DOCK4: variants seen among roughly 807,000 people sequenced by gnomAD.
DOCK4 encodes dedicator of cytokinesis 4.
DOCK4 carries 97 observed loss-of-function variants against 268.1 expected under a neutral mutation model. That is an observed-to-expected ratio of 0.36 (90% CI 0.31 to 0.43). DOCK4 has a LOEUF of 0.43. DOCK4 is among the 20% of genes least tolerant of loss of function. The probability of loss-of-function intolerance (pLI) is 1.00; values close to 1 mark genes in which losing one functional copy is unlikely to be tolerated. For missense variants in DOCK4, 2,145 were observed against 2,455.7 expected (o/e 0.87, Z 2.67); for synonymous variants, 954 against 887.2 (o/e 1.08, Z -1.34).
chr7:111,940,799 C>T (rs1300481535), intron 10 of DOCK4, among the ~76,000 whole-genome samples: 1 of 152,092 alleles, frequency 6.6e-6, no homozygotes, highest in Non-Finnish European at 1.5e-5. Flanking sequence ...TAAATTGTTA[C>T]ATGTTTAAAA....
At chr7:111,839,426 A>C (rs1298948712) in intron 25 of DOCK4, among the ~76,000 whole-genome samples, 1 of 152,210 alleles carries the variant, frequency 6.6e-6, no homozygotes, top group Admixed American at 6.5e-5. Context: ...CAATCCTGTG[A>C]ATAGTGAAAT....
intron 1 of DOCK4, among the ~76,000 whole-genome samples, chr7:112,026,292 C>A (rs1410502745): frequency 1.3e-5 from 2 of 152,188 alleles, no homozygotes; most frequent in Non-Finnish European, 2.9e-5. Context: ...GGAGCGTGAA[C>A]CCTACTATGA....
intron 1 of DOCK4, among the ~76,000 whole-genome samples, chr7:112,049,246 A>G (rs1037165562): frequency 3.3e-5 from 5 of 152,206 alleles, no homozygotes; most frequent in African/African-American, 1.2e-4. Context: ...ACAGTACCAC[A>G]AAGGCTTGAA....
chr7:111,906,816 C>A (rs147922527), intron 13 of DOCK4, among the ~76,000 whole-genome samples: 106 of 152,234 alleles, frequency 7.0e-4, no homozygotes, highest in African/African-American at 2.4e-3. Flanking sequence ...GCAGCTTCCA[C>A]AAGCTGGAAA....
At chr7:112,155,620 T>C (rs939412991) in intron 1 of DOCK4, among the ~76,000 whole-genome samples, 1 of 152,350 alleles carries the variant, frequency 6.6e-6, no homozygotes, top group South Asian at 2.1e-4. Context: ...CAGTGGGTTA[T>C]TCAAGTCCTC....
intron 10 of DOCK4, 23 bp from the exon 11 acceptor site, chr7:111,940,265 T>C: frequency 1.9e-6 from 3 of 1,613,972 alleles, no homozygotes; most frequent in Non-Finnish European, 2.5e-6. Flanking sequence ...AGAGCAATCA[T>C]TAACCCATGG....
intron 1 of DOCK4, among the ~76,000 whole-genome samples, chr7:112,054,405 T>A (rs1202688753): frequency 6.6e-6 from 1 of 152,152 alleles, no homozygotes; most frequent in African/African-American, 2.4e-5. Flanking sequence ...TGACCCCAAT[T>A]TCTAGGGAAA....
intron 12 of DOCK4, among the ~76,000 whole-genome samples, chr7:111,921,604 G>A (rs1482210052): frequency 8.5e-5 from 13 of 152,220 alleles, no homozygotes; most frequent in Admixed American, 7.2e-4. Context: ...TAAGTGTGCA[G>A]TTTAAGAATC....
rs535976247 is a variant in DOCK4, at chr7:112,050,540, T to C, written c.38-46409A>G. Among the ~76,000 whole-genome samples the C allele has an allele frequency of 6.6e-5, 10 of 152,168 alleles. 1 individual carries two copies. The East Asian group carries it at 1.7e-3, about 26-fold the overall frequency. On this transcript the variant is annotated intron_variant, in intron 1 of 52. Coordinates refer to ENST00000428084, the MANE Select transcript of DOCK4 (RefSeq NM_001363540.2). ...CCACATTGGTAAACAATCATTTAGA[T>C]AGAAAGATTAAAGGTAGTCATTGAT... is the stretch of plus-strand genomic sequence containing the variant.
chr7:112,066,073 C>T (rs921862013), intron 1 of DOCK4, among the ~76,000 whole-genome samples: 1 of 152,122 alleles, frequency 6.6e-6, no homozygotes, highest in South Asian at 2.1e-4. Context: ...ATCAACTTGA[C>T]TGGATTAAGG....
At chr7:111,746,266 AG>A (rs1352975736) in intron 44 of DOCK4, 67 bp downstream of exon 44, 2 of 1,288,238 alleles carry the variant, frequency 1.6e-6, no homozygotes, top group African/African-American at 1.5e-5. Context: ...AACCATGCAG[AG>A]GGGGCTCTAG....
At chr7:112,134,068 A>G (rs1221948873) in intron 1 of DOCK4, among the ~76,000 whole-genome samples, 9 of 152,214 alleles carry the variant, frequency 5.9e-5, no homozygotes, top group Non-Finnish European at 1.3e-4. Flanking sequence ...TGACATTTAG[A>G]AAAATGTAAA....
intron 1 of DOCK4, among the ~76,000 whole-genome samples, chr7:112,035,131 C>T (rs770867337): frequency 2.4e-4 from 36 of 152,226 alleles, no homozygotes; most frequent in Non-Finnish European, 4.1e-4. Context: ...AAAAGCACTG[C>T]ATTGAAGCTA....
At chr7:112,150,927 G>A (rs531047819) in intron 1 of DOCK4, among the ~76,000 whole-genome samples, 1 of 152,284 alleles carries the variant, frequency 6.6e-6, no homozygotes, top group East Asian at 1.9e-4. Flanking sequence ...GATGCTAAAA[G>A]GCTTGCAGAG....
At chr7:111,973,317 G>T (rs1215065098) in intron 8 of DOCK4, among the ~76,000 whole-genome samples, 14 of 151,652 alleles carry the variant, frequency 9.2e-5, no homozygotes, top group African/African-American at 2.9e-4. Flanking sequence ...TTTTCCTCTG[G>T]CATTTTACTT....
chr7:111,858,813 C>T (rs78725175), intron 23 of DOCK4, among the ~76,000 whole-genome samples: 259 of 146,018 alleles, frequency 1.8e-3, no homozygotes, highest in Middle Eastern at 7.2e-3. Flanking sequence ...TCCCTCCCTT[C>T]CTTCCTTCCC....
intron 42 of DOCK4, among the ~76,000 whole-genome samples, chr7:111,747,862 T>G (rs1796375436): frequency 6.6e-6 from 1 of 152,156 alleles, no homozygotes; most frequent in Admixed American, 6.5e-5. Context: ...AAGATGCATT[T>G]ATGGATCCTC....
intron 16 of DOCK4, among the ~76,000 whole-genome samples, chr7:111,877,549 T>C (rs1346384151): frequency 6.6e-6 from 1 of 152,208 alleles, no homozygotes; most frequent in Non-Finnish European, 1.5e-5. Flanking sequence ...AAATGATCAA[T>C]AAATCATATT....
chr7:112,057,691 C>A (rs1383243078), intron 1 of DOCK4, among the ~76,000 whole-genome samples: 1 of 152,046 alleles, frequency 6.6e-6, no homozygotes, highest in Non-Finnish European at 1.5e-5. Context: ...GGGAAGATCG[C>A]TTGAACCCAG....
Sources: allele counts gnomAD v4.1 joint callset (sites outside exome capture counted in the v4.1 genomes callset), GRCh38; gene constraint gnomAD v4.1.1; transcripts MANE v1.5; gene names NCBI Gene and HGNC (gene_info 2026-07-23, HGNC 2026-07-21).